The following MTRR variants were observed in gnomAD, a reference collection of about 807,000 sequenced individuals.
MTRR encodes the protein methionine synthase reductase.
MTRR carries 63 observed loss-of-function variants against 79.2 expected under a neutral mutation model. The observed-to-expected ratio is 0.80, with a 90% CI of 0.65 to 0.98. The LOEUF is 0.98. MTRR is among the 50% of genes least tolerant of loss of function. MTRR has a pLI of 0.00. For missense variants in MTRR, 895 were observed against 839.6 expected, an observed-to-expected ratio of 1.07 and a Z score of -0.82; for synonymous variants, 355 against 313.3, an observed-to-expected ratio of 1.13 and a Z score of -1.41.
At chr5:7,851,196 C>T in exon 1 of MTRR, 1 of 701,120 alleles carries the variant, frequency 1.4e-6, no homozygotes, top group Non-Finnish European at 2.0e-6. Flanking sequence ...AGCATTCCCG[C>T]TCCAGGGTGG....
At position 7,892,758 on chromosome 5, in the gene MTRR, T is replaced by A; in HGVS notation, c.1402T>A (p.Phe468Ile). Reference protein sequence around the residue: ...SSLFHPGKLHFVFNIVEFLST... With the variant: ...SSLFHPGKLHIVFNIVEFLST... ...TTTATTTCACCCAGGAAAGCTCCAT[T>A]TTGTCTTCAACATTGTGGAATTTCT... is the stretch of plus-strand genomic sequence containing the variant. The change falls in exon 11 of 15, where the codon TTT (phenylalanine) becomes ATT (isoleucine). Residue 468 changes from phenylalanine (F) to isoleucine (I), a missense_variant. Physicochemically the swap from Phe to Ile is conservative, Grantham distance 21. Transcript: ENST00000440940. The A allele has an allele frequency of 6.2e-7, 1 of 1,614,242 alleles. No homozygotes were observed. Among genetic ancestry groups the A allele is most frequent in the Non-Finnish European group, 8.5e-7 (1 of 1,180,046 alleles).
At chr5:7,891,678 G>A (rs1400405772) in intron 10 of MTRR, among the ~76,000 whole-genome samples, 2 of 152,148 alleles carry the variant, frequency 1.3e-5, no homozygotes, top group Non-Finnish European at 2.9e-5. Flanking sequence ...CATGCTTCCT[G>A]TGTCCGTGTG....
Position 7,878,286 on chromosome 5 carries a change from A to G in MTRR, c.744A>G (p.Glu248=), listed in dbSNP as rs749341418. The G allele has an allele frequency of 2.0e-5, 33 of 1,614,232 alleles. No homozygotes were observed. The South Asian group carries it at 2.7e-4, about 13-fold the overall frequency. Residue 248 remains glutamate, a synonymous_variant, in exon 5 of 15, where the codon GAA becomes GAG. Transcript: ENST00000440940. ...TGAATATTCCTGGTTTACCCCCAGA[A>G]TATTTACAGGTACATCTGCAGGAGT... The part of the protein sequence containing the change: ...ASLNIPGLPP[E]YLQVHLQESL...
rs1484864546 is a variant in MTRR at position 7,856,929 on chromosome 5, TCAC to T, written n.392-5018_392-5016del. On this transcript the variant is annotated intron_variant and non_coding_transcript_variant, in intron 1 of 3. Transcript: ENST00000502509. ...TGCCTGTGTTGTTCAGGCAGAACTG[TCAC>T]CACACTCTTCCACAGCTCCTGCCTG... 2.0e-5 allele frequency: 3 copies of T among 152,046 alleles called. No homozygotes were observed. In the East Asian group the frequency reaches 5.8e-4, roughly 30 times the overall value. The allele number at this position is 152,046 out of a possible 1,614,324, so 9.4% of individuals were successfully genotyped here.
Position 7,861,589 on chromosome 5 carries a change from T to C in MTRR, n.392-362T>C, listed in dbSNP as rs748288764. 4 of 1,589,816 alleles carry C rather than the reference T, an allele frequency of 2.5e-6. No individual in the cohort carries two copies. The highest frequency in any genetic ancestry group is 1.7e-4 in the Middle Eastern group (1 of 5,880). ...ACACAACATTTTCCTGTACCTTTTA[T>C]GGATATCTTCATTAGCTGTGGATGG... On this transcript the variant is annotated intron_variant and non_coding_transcript_variant, in intron 1 of 3. Transcript: ENST00000502509.
At chr5:7,896,811 G>C in intron 12 of MTRR, 53 bp from the exon 13 acceptor site, 1 of 1,381,776 alleles carries the variant, frequency 7.2e-7, no homozygotes, top group Non-Finnish European at 1.0e-6. Flanking sequence ...GAAAGAGATT[G>C]GTTTTACATA....
upstream of MTRR, chr5:7,865,800 C>A: frequency 1.2e-6 from 1 of 857,746 alleles, no homozygotes; most frequent in South Asian, 1.9e-5. Context: ...AAATGAAATT[C>A]TGCTTTTTCA....
chr5:7,886,604 T>G lies in MTRR; in HGVS notation c.1058-11T>G. On this transcript the variant is annotated splice_polypyrimidine_tract_variant and intron_variant, in intron 7 of 14. Coordinates refer to ENST00000440940, the MANE Select transcript of MTRR (RefSeq NM_002454.3). ...ATGTCATGAACCCCTTTCCCGTCTT[T>G]ACCTGAAAAGGAGCTACCTTACCCC... The G allele has an allele frequency of 6.3e-7, 1 of 1,597,266 alleles. No homozygotes were observed. Among genetic ancestry groups the G allele is most frequent in the Middle Eastern group, 1.7e-4 (1 of 6,028 alleles).
chr5:7,862,738 C>G (rs1746639829), intron 2 of MTRR: 1 of 1,196,128 alleles, frequency 8.4e-7, no homozygotes, highest in Admixed American at 2.2e-5. Context: ...TTCCAGAGAA[C>G]TTCTATTGCT....
At chr5:7,850,913 C>G (rs1746056294), upstream of MTRR, 3 of 1,361,756 alleles carry the variant, frequency 2.2e-6, no homozygotes, top group Middle Eastern at 2.2e-4. Flanking sequence ...TCTTTGGGGT[C>G]CAGGCGCCGC....
chr5:7,857,332 TA>T (rs535102417), intron 1 of MTRR, among the ~76,000 whole-genome samples: 24 of 152,308 alleles, frequency 1.6e-4, no homozygotes, highest in African/African-American at 5.5e-4. Flanking sequence ...GAATTCAGTT[TA>T]AAAGGACTTA....
At chr5:7,886,542 T>C (rs1736463456) in intron 7 of MTRR, 73 bp from the exon 8 acceptor site, 1 of 1,137,268 alleles carries the variant, frequency 8.8e-7, no homozygotes, top group Non-Finnish European at 1.3e-6. Flanking sequence ...TAATTGTGTT[T>C]TGGGGAGTGT....
chr5:7,858,382 A>C (rs1746314832), intron 1 of MTRR, among the ~76,000 whole-genome samples: 1 of 152,130 alleles, frequency 6.6e-6, no homozygotes, highest in Admixed American at 6.5e-5. Context: ...GCCAGGTCCC[A>C]AATGAGCGGC....
At chr5:7,870,588 T>G (rs1401332414) in intron 1 of MTRR, among the ~76,000 whole-genome samples, 182 bp from the exon 2 acceptor site, 1 of 152,254 alleles carries the variant, frequency 6.6e-6, no homozygotes, top group Non-Finnish European at 1.5e-5. Flanking sequence ...TACACTCTCC[T>G]TAATTTGATG....
chr5:7,894,851 G>T (rs1387725501), intron 11 of MTRR, among the ~76,000 whole-genome samples: 1 of 152,160 alleles, frequency 6.6e-6, no homozygotes, highest in Admixed American at 6.5e-5. Context: ...TATCCTTAAT[G>T]CCTGTCATGG....
At position 7,860,004 on chromosome 5, in the gene MTRR, C is replaced by T. The variant is rs557434524; in HGVS notation, n.392-1947C>T. 7.6e-4 allele frequency among the ~76,000 whole-genome samples: 115 copies of T among 152,100 alleles called. 5 individuals carry two copies. In the South Asian group the frequency reaches 0.022, roughly 29 times the overall value. On this transcript the variant is annotated intron_variant and non_coding_transcript_variant, in intron 1 of 3. Transcript: ENST00000502509. ...GAATGAAGAGGGAGAGAGCAGGAGGCGCAGCAAAGGAGAGAGTCTGCTCAG... is the reference window on the plus strand; with the variant it reads ...GAATGAAGAGGGAGAGAGCAGGAGGTGCAGCAAAGGAGAGAGTCTGCTCAG...
upstream of MTRR, chr5:7,866,032 T>A (rs745369244): frequency 8.0e-7 from 1 of 1,247,578 alleles, no homozygotes; most frequent in East Asian, 2.4e-5. Context: ...TTGAGGTATG[T>A]ATGAGAGAAC....
chr5:7,878,098 C>T lies in MTRR; in HGVS notation c.556C>T (p.His186Tyr). 6.2e-7 allele frequency: 1 copy of T among 1,614,024 alleles called. No homozygotes were observed. The highest frequency in any genetic ancestry group is 1.1e-5 in the South Asian group (1 of 91,074). ...RTDLVKSELL[H>Y]IESQVELLRF... ...AGACCTTGTGAAGTCAGAGCTGCTA[C>T]ACATTGAATCTCAAGTCGAGCTTCT... Residue 186 changes from histidine to tyrosine, a missense_variant, in exon 5 of 15, where the codon CAC (histidine) becomes TAC (tyrosine). Transcript: ENST00000440940.
upstream of MTRR, chr5:7,867,109 A>T: frequency 2.5e-6 from 4 of 1,614,194 alleles, no homozygotes; most frequent in Non-Finnish European, 3.4e-6. Flanking sequence ...AATGTGGGAC[A>T]TGCCTCACGA....
Sources: allele counts gnomAD v4.1 joint callset (sites outside exome capture counted in the v4.1 genomes callset), GRCh38; gene constraint gnomAD v4.1.1; transcripts MANE v1.5; gene names NCBI Gene and HGNC (gene_info 2026-07-23, HGNC 2026-07-21).